TEP1: variants seen among roughly 807,000 people sequenced by gnomAD.
TEP1 encodes the protein telomerase protein component 1.
A neutral mutation model predicts 306.3 loss-of-function variants in TEP1; 241 were observed. That is an observed-to-expected ratio of 0.79 (90% confidence interval 0.71 to 0.88). TEP1 has a LOEUF of 0.88. Among genes scored for constraint, TEP1 ranks in the 40% least tolerant of loss-of-function variants. The pLI, the probability that TEP1 is intolerant of heterozygous loss-of-function variation, is 0.00. For synonymous variants in TEP1, 1,289 were observed against 1,305.5 expected, an observed-to-expected ratio of 0.99 and a Z score of 0.27; for missense variants, 3,051 against 3,276.1, an observed-to-expected ratio of 0.93 and a Z score of 1.68.
At chr14:20,389,497 G>A (rs1320515515) in intron 16 of TEP1, 113 bp downstream of exon 16, 6 of 1,529,132 alleles carry the variant, frequency 3.9e-6, no homozygotes, top group African/African-American at 1.4e-5. Flanking sequence ...AGGTAAGAAG[G>A]CAGAGTTGGG....
rs1183844846 is a variant in TEP1 at position 20,372,991 on chromosome 14, C to G, written c.6951+20G>C. The stretch of plus-strand genomic sequence containing the variant: ...GGGTAGAATTCACACAGACAAAGAA[C>G]CAAGGGTACACCGACTCACCTGTGC... On this transcript the variant is annotated intron_variant, in intron 48 of 54. Coordinates refer to ENST00000262715, the MANE Select transcript of TEP1 (RefSeq NM_007110.5). 3 of 1,614,130 alleles carry G rather than the reference C, an allele frequency of 1.9e-6. No homozygotes were observed. In the South Asian group the frequency reaches 3.3e-5, roughly 18 times the overall value.
At chr14:20,394,969 G>T (rs765554021) in intron 12 of TEP1, among the ~76,000 whole-genome samples, 4 of 152,102 alleles carry the variant, frequency 2.6e-5, no homozygotes, top group Non-Finnish European at 5.9e-5. Context: ...AAAACAGATG[G>T]TACATCTGTC....
Position 20,378,901 on chromosome 14 carries a change from C to T in TEP1, c.5253-48G>A, listed in dbSNP as rs1326191672. The T allele has an allele frequency of 3.7e-6, 6 of 1,613,652 alleles. No homozygotes were observed. In the African/African-American group the frequency reaches 8.0e-5, roughly 22 times the overall value. On this transcript the variant is annotated intron_variant, in intron 36 of 54. Coordinates refer to ENST00000262715, the MANE Select transcript of TEP1 (RefSeq NM_007110.5). ...GTCCTCTGGACCCTGGCCATCAGCT[C>T]CCTCCTCATTTCCTTCTCCTGGGGC... is the stretch of plus-strand genomic sequence containing the variant.
In TEP1 at chr14:20,382,021, C is replaced by T. The variant is rs754265798; in HGVS notation, c.4316G>A (p.Arg1439Gln). 3.2e-5 allele frequency: 52 copies of T among 1,614,006 alleles called. 1 individual carries two copies. Among genetic ancestry groups the T allele is most frequent in the South Asian group, 1.6e-4 (15 of 91,086 alleles). The change falls in exon 30 of 55, where the codon CGG becomes CAG. Residue 1439 changes from arginine (R) to glutamine (Q), a missense_variant. Around this residue, in one of 3 missense-constraint regions of TEP1, gnomAD observed 1,540 missense variants for 1,705.9 expected, o/e 0.90. Coordinates refer to ENST00000262715, the MANE Select transcript of TEP1 (RefSeq NM_007110.5). ...GCTCTTAGTCCCCTTCGGTAGTGTC[C>T]GCCACACACTCAGCACTCCGTGCAG... ...DQLHGVLSVW[R>Q]TLPKGTKSWE...
At chr14:20,399,361 A>G (rs979362120) in intron 9 of TEP1, among the ~76,000 whole-genome samples, 7 of 152,182 alleles carry the variant, frequency 4.6e-5, no homozygotes, top group Admixed American at 4.6e-4. Context: ...CATACTGGTG[A>G]TATTAGAAAA....
In TEP1 at chr14:20,384,375, C is replaced by T. The variant is rs982734439; in HGVS notation, c.3339+16G>A. ...TGTCCCTCTCCATGCCTCTGGTCAC[C>T]AGTGCTTCTGCTGACCTGCAGGTAG... On this transcript the variant is annotated intron_variant, in intron 23 of 54. Transcript: ENST00000262715. 2.4e-5 allele frequency: 39 copies of T among 1,613,914 alleles called. No individual in the cohort carries two copies. Among genetic ancestry groups the T allele is most frequent in the Non-Finnish European group, 3.1e-5 (37 of 1,179,922 alleles).
chr14:20,383,909 CA>C lies in TEP1; in HGVS notation c.3543del (p.Val1182CysfsTer15), dbSNP rs752333908. ...CCATCAGGAGCCTGCAGGGCTGACA[CA>C]AGAGATGCCTGCATGGGACAGGAAC... ...GQGKTAFLAS[L>X]VSALQAPDGA... On this transcript the variant is annotated frameshift_variant, in exon 25 of 55. Coordinates refer to ENST00000262715, the MANE Select transcript of TEP1 (RefSeq NM_007110.5). LOFTEE classifies it high-confidence loss of function. 3.1e-6 allele frequency: 5 copies of C among 1,599,430 alleles called. No individual in the cohort carries two copies. Among genetic ancestry groups the C allele is most frequent in the Non-Finnish European group, 4.2e-6 (5 of 1,178,396 alleles).
intron 29 of TEP1, 64 bp from the exon 30 acceptor site, chr14:20,382,127 C>G: frequency 6.2e-7 from 1 of 1,611,008 alleles, no homozygotes; most frequent in East Asian, 2.2e-5. Context: ...CCACCACACC[C>G]AGTCTCTCCT....
At chr14:20,373,611 A>G (rs1884992374) in intron 45 of TEP1, 28 bp from the exon 46 acceptor site, 1 of 1,614,106 alleles carries the variant, frequency 6.2e-7, no homozygotes. Context: ...CTGAGTCAGA[A>G]GAAGGGACGG....
Position 20,378,231 on chromosome 14 carries a change from C to T in TEP1, c.5514G>A (p.Leu1838=). The change falls in exon 39 of 55, where the codon CTG becomes CTA. Residue 1838 remains leucine (L), a synonymous_variant. Transcript: ENST00000262715. The stretch of plus-strand genomic sequence containing the variant: ...TACGGATAGAGGCTCCGGGTGCCCC[C>T]AGGTCCTACACAGGGAGGTAGAAAT... The part of the protein sequence containing the change: ...QVDGLKVTKD[L]GAPGASIRTL... 1.2e-6 allele frequency: 2 copies of T among 1,613,602 alleles called. No homozygotes were observed. Among genetic ancestry groups the T allele is most frequent in the Non-Finnish European group, 1.7e-6 (2 of 1,180,034 alleles).
chr14:20,377,963 A>C, intron 39 of TEP1, 61 bp downstream of exon 39: 2 of 1,583,160 alleles, frequency 1.3e-6, no homozygotes, highest in Non-Finnish European at 1.7e-6. Context: ...ACCCCCACCA[A>C]GATATTCTTT....
chr14:20,373,726 G>C lies in TEP1; in HGVS notation c.6556C>G (p.His2186Asp). Reference sequence around the variant, plus strand: ...GCACAGTGGCTAATGGGTCCTGAGTGAGCAGGGATGCTGGTCAGCTCCACG... The same window carrying C: ...GCACAGTGGCTAATGGGTCCTGAGTCAGCAGGGATGCTGGTCAGCTCCACG... Reference protein sequence around the residue: ...QGVELTSIPAHSGPISHCAAA... With the variant: ...QGVELTSIPADSGPISHCAAA... Residue 2186 changes from histidine (H) to aspartate (D), a missense_variant, in exon 45 of 55, where the codon CAC becomes GAC. Coordinates refer to ENST00000262715, the MANE Select transcript of TEP1 (RefSeq NM_007110.5). The C allele has an allele frequency of 6.2e-7, 1 of 1,614,214 alleles. No homozygotes were observed. Among genetic ancestry groups the C allele is most frequent in the South Asian group, 1.1e-5 (1 of 91,080 alleles).
At position 20,366,017 on chromosome 14, in the gene TEP1, G is replaced by T. The variant is rs1413111360; in HGVS notation, c.*2420C>A. 6.6e-6 allele frequency: 1 copy of T among 152,202 alleles called. No homozygotes were observed. The highest frequency in any genetic ancestry group is 1.9e-4 in the East Asian group (1 of 5,202). The allele number at this position is 152,202 out of a possible 1,614,324, so 9.4% of individuals were successfully genotyped here. On this transcript the variant is annotated 3_prime_UTR_variant, in exon 55 of 55. Transcript: ENST00000262715. ...TCCATTTAAAGATAAGAACTTGAAG[G>T]ATGTTTAATGTAAACCTAAATTGAT...
At chr14:20,373,948 T>TGGGTGGCTCAGGACAGTGGGGTC in intron 44 of TEP1, 138 bp from the exon 45 acceptor site, 5 of 1,207,788 alleles carry the variant, frequency 4.1e-6, no homozygotes, top group Admixed American at 2.4e-5. Context: ...ACAGTGGGGT[T>TGGGTGGCTCAGGACAGTGGGGTC]GGGTGGCTCA....
In TEP1 at chr14:20,412,213, G is replaced by T. The variant is rs181363045; in HGVS notation, c.-25+1192C>A. Among the ~76,000 whole-genome samples the T allele has an allele frequency of 1.8e-3, 276 of 152,212 alleles. 1 individual carries two copies. Among genetic ancestry groups the T allele is most frequent in the African/African-American group, 6.4e-3 (264 of 41,516 alleles). On this transcript the variant is annotated intron_variant, in intron 1 of 54. Coordinates refer to ENST00000262715, the MANE Select transcript of TEP1 (RefSeq NM_007110.5). ...GTGCCCAATACACTTTGCTCATGTCGTTGCCCTATATAAGCCCCCAAGGAA... is the reference window on the plus strand; with the variant it reads ...GTGCCCAATACACTTTGCTCATGTCTTTGCCCTATATAAGCCCCCAAGGAA...
chr14:20,382,471 C>T lies in TEP1; in HGVS notation c.4141-115G>A, dbSNP rs534064483. On this transcript the variant is annotated intron_variant, in intron 28 of 54. Transcript: ENST00000262715. Reference sequence around the variant, plus strand: ...TGTGGAGGAATGAAAAAGTAAAGAACAACAGTAGGAGGGAAGTGAGGCGAG... The same window carrying T: ...TGTGGAGGAATGAAAAAGTAAAGAATAACAGTAGGAGGGAAGTGAGGCGAG... 260 of 1,537,158 alleles carry T rather than the reference C, an allele frequency of 1.7e-4. 3 individuals carry two copies. In the South Asian group the frequency reaches 3.0e-3, roughly 18 times the overall value.
In TEP1 at chr14:20,407,899, T is replaced by C. The variant is rs1156297320; in HGVS notation, c.541A>G (p.Thr181Ala). The C allele has an allele frequency of 6.2e-7, 1 of 1,603,822 alleles. No homozygotes were observed. Among genetic ancestry groups the C allele is most frequent in the Non-Finnish European group, 8.5e-7 (1 of 1,174,198 alleles). Residue 181 changes from threonine to alanine, a missense_variant, in exon 2 of 55, where the codon ACA becomes GCA. By Grantham distance (58) the Thr-to-Ala change is moderately conservative. Coordinates refer to ENST00000262715, the MANE Select transcript of TEP1 (RefSeq NM_007110.5). ...AAAGTTGCTTCCTGAGCTGTCTCTG[T>C]GGCAGAGATGGATTTCAGGGCTATA... ...CPIALKSISA[T>A]ETAQEATLGR... is the part of the protein sequence containing the mutation.
chr14:20,387,942 C>T lies in TEP1; in HGVS notation c.2647G>A (p.Asp883Asn). 6.2e-7 allele frequency: 1 copy of T among 1,613,896 alleles called. No individual in the cohort carries two copies. Among genetic ancestry groups the T allele is most frequent in the Admixed American group, 1.7e-5 (1 of 59,950 alleles). Residue 883 changes from aspartate (D) to asparagine (N), a missense_variant, in exon 18 of 55, where the codon GAC becomes AAC. Transcript: ENST00000262715. ...ACAGGAGCCAAGGGGCTTGGAGTGT[C>T]CTCTTCCAGTGGCCGGAGAGACTGG... ...GVQSLRPLEE[D>N]TPSPLAPVSQ...
At position 20,383,793 on chromosome 14, in the gene TEP1, G is replaced by A; in HGVS notation, c.3660C>T (p.Thr1220=). 2.5e-6 allele frequency: 4 copies of A among 1,611,078 alleles called. No individual in the cohort carries two copies. Among genetic ancestry groups the A allele is most frequent in the Non-Finnish European group, 3.4e-6 (4 of 1,179,418 alleles). The change falls in exon 25 of 55, where the codon ACC becomes ACT. Residue 1220 remains threonine (T), a synonymous_variant. Coordinates refer to ENST00000262715, the MANE Select transcript of TEP1 (RefSeq NM_007110.5). ...LALTLLRRLC[T]YLRGQLKEPG... ...GCTCTTTTAGTTGGCCACGCAGATA[G>A]GTACAGAGGCGTCTGAGCAGAGTGA... is the stretch of plus-strand genomic sequence containing the variant.
Sources: gnomAD v4.1 joint callset for allele counts (sites outside exome capture counted in the v4.1 genomes callset) on GRCh38, gnomAD v4.1.1 for gene constraint, gnomAD v4.1.1 regional missense constraint, MANE v1.5 for transcripts, NCBI Gene and HGNC (gene_info 2026-07-23, HGNC 2026-07-21) for gene names.